The following ERC1 variants were observed in gnomAD, a reference collection of about 807,000 sequenced individuals.
The protein encoded by ERC1 is ELKS/RAB6-interacting/CAST family member 1, also known as RAB6 interacting protein 2.
Under a neutral mutation model 132.0 loss-of-function variants are expected in ERC1, and 56 were observed. The ratio of observed to expected loss-of-function variants is 0.42; its 90% confidence interval spans 0.34 to 0.53. ERC1 has a LOEUF of 0.53. Ranked by LOEUF, ERC1 falls within the 20% of genes least tolerant of loss-of-function variation. The pLI is 0.03. For missense variants in ERC1, 1,202 were observed against 1,349.9 expected, an observed-to-expected ratio of 0.89 and a Z score of 1.72; for synonymous variants, 478 against 476.1, an observed-to-expected ratio of 1.00 and a Z score of -0.05.
At chr12:1,211,418 G>A (rs1318928680) in intron 12 of ERC1, among the ~76,000 whole-genome samples, 1 of 152,200 alleles carries the variant, frequency 6.6e-6, no homozygotes, top group Admixed American at 6.5e-5. Flanking sequence ...AAAGTGCTGG[G>A]ATTACAGGCG....
intron 15 of ERC1, among the ~76,000 whole-genome samples, chr12:1,307,282 G>A (rs1404364124): frequency 2.0e-5 from 3 of 152,304 alleles, no homozygotes; most frequent in African/African-American, 7.2e-5. Flanking sequence ...ACCCTGGGTT[G>A]ACTTGGCATG....
In ERC1 at chr12:1,408,176, G is replaced by T. The variant is rs375760084; in HGVS notation, c.2953G>T (p.Asp985Tyr). ...GCAAAATCGAATGAAGCTAATGGCC[G>T]ACAACTACGAGGATGACCACTTCAA... is the stretch of plus-strand genomic sequence containing the variant. ...QTQNRMKLMA[D>Y]NYEDDHFKSS... Residue 985 changes from aspartate (D) to tyrosine (Y), a missense_variant, in exon 17 of 19, where the codon GAC becomes TAC. Transcript: ENST00000360905. 11 of 1,613,514 alleles carry T rather than the reference G, an allele frequency of 6.8e-6. No individual in the cohort carries two copies. Among genetic ancestry groups the T allele is most frequent in the Admixed American group, 1.7e-5 (1 of 59,970 alleles).
intron 14 of ERC1, among the ~76,000 whole-genome samples, chr12:1,277,766 G>A (rs535224318): frequency 1.3e-5 from 2 of 152,292 alleles, no homozygotes; most frequent in South Asian, 4.1e-4. Flanking sequence ...TGCACAGATT[G>A]TAGATACTGT....
intron 16 of ERC1, among the ~76,000 whole-genome samples, chr12:1,402,469 G>A (rs1455067781): frequency 6.6e-6 from 1 of 151,168 alleles, no homozygotes; most frequent in Non-Finnish European, 1.5e-5. Flanking sequence ...GTTGTAGTGA[G>A]CCGAGATCAC....
Position 1,083,267 on chromosome 12 carries a change from G to T in ERC1, c.773G>T (p.Cys258Phe). 1 of 1,614,228 alleles carries T rather than the reference G, an allele frequency of 6.2e-7. No homozygotes were observed. Among genetic ancestry groups the T allele is most frequent in the Non-Finnish European group, 8.5e-7 (1 of 1,180,042 alleles). Residue 258 changes from cysteine (C) to phenylalanine (F), a missense_variant, in exon 3 of 19, where the codon TGT (cysteine) becomes TTT (phenylalanine). Transcript: ENST00000360905. Reference sequence around the variant, plus strand: ...AGTAGCAGCAGGACTGGCGAACCTTGTGTAGCAGAGCTGACAGAGGAGAAC... The same window carrying T: ...AGTAGCAGCAGGACTGGCGAACCTTTTGTAGCAGAGCTGACAGAGGAGAAC... ...QDSSSRTGEP[C>F]VAELTEENFQ...
At chr12:1,347,872 A>G (rs1376574448) in intron 15 of ERC1, among the ~76,000 whole-genome samples, 1 of 152,172 alleles carries the variant, frequency 6.6e-6, no homozygotes, top group Non-Finnish European at 1.5e-5. Context: ...AGTCCCAGCT[A>G]CTCAGGAGGC....
chr12:1,013,356 G>A (rs1208886654), intron 1 of ERC1, among the ~76,000 whole-genome samples: 1 of 151,984 alleles, frequency 6.6e-6, no homozygotes, highest in Admixed American at 6.6e-5. Context: ...AACTTTGAGA[G>A]AACTTATAAT....
chr12:1,324,944 A>G (rs78836912), intron 15 of ERC1, among the ~76,000 whole-genome samples: 3,845 of 152,306 alleles, frequency 0.025, 73 homozygotes, highest in South Asian at 0.08. Flanking sequence ...TAGCCCACAC[A>G]GGAGGCAACT....
intron 8 of ERC1, among the ~76,000 whole-genome samples, chr12:1,161,992 A>G (rs1251667135): frequency 6.6e-6 from 1 of 152,188 alleles, no homozygotes; most frequent in East Asian, 1.9e-4. Context: ...TCTGAGCACA[A>G]TGGCAGTTAT....
chr12:1,450,158 T>G (rs1473582624), intron 18 of ERC1, among the ~76,000 whole-genome samples: 1 of 152,226 alleles, frequency 6.6e-6, no homozygotes, highest in African/African-American at 2.4e-5. Context: ...TCTTTTTTTA[T>G]TGTTTATTGT....
At chr12:1,365,692 A>G (rs1308642601) in intron 15 of ERC1, among the ~76,000 whole-genome samples, 2 of 152,252 alleles carry the variant, frequency 1.3e-5, no homozygotes, top group Non-Finnish European at 2.9e-5. Flanking sequence ...GTTTAGGCTA[A>G]TGCAATGCAG....
intron 12 of ERC1, among the ~76,000 whole-genome samples, chr12:1,208,695 GTCT>G (rs1304152451): frequency 1.3e-5 from 2 of 152,130 alleles, no homozygotes; most frequent in African/African-American, 2.4e-5. Flanking sequence ...TTCCAGTTGT[GTCT>G]TCTTTTGATT....
At chr12:1,025,355 T>C (rs1966846299) in intron 1 of ERC1, among the ~76,000 whole-genome samples, 1 of 152,248 alleles carries the variant, frequency 6.6e-6, no homozygotes, top group Admixed American at 6.5e-5. Context: ...AGGAATTCTT[T>C]ACATACTCTG....
intron 16 of ERC1, 114 bp from the exon 17 acceptor site, chr12:1,408,035 T>C (rs2091618365): frequency 1.5e-6 from 1 of 679,996 alleles, no homozygotes; most frequent in Admixed American, 2.6e-5. Context: ...GTTTATTTTA[T>C]TGCAGACAGG....
At chr12:1,404,277 G>A (rs929702556) in intron 16 of ERC1, among the ~76,000 whole-genome samples, 3 of 151,708 alleles carry the variant, frequency 2.0e-5, no homozygotes, top group Non-Finnish European at 4.4e-5. Flanking sequence ...CAAGTATAAT[G>A]GATACATTTA....
At chr12:994,716 C>A (rs1820130181) in intron 1 of ERC1, among the ~76,000 whole-genome samples, 1 of 152,126 alleles carries the variant, frequency 6.6e-6, no homozygotes, top group African/African-American at 2.4e-5. Context: ...ATGCTGGTAT[C>A]ATAGTAGTGA....
intron 6 of ERC1, among the ~76,000 whole-genome samples, chr12:1,114,677 A>G (rs545216642): frequency 9.1e-4 from 128 of 140,708 alleles, no homozygotes; most frequent in Middle Eastern, 3.6e-3. Context: ...TTGGGTACAT[A>G]CTATTTTGCA....
intron 15 of ERC1, among the ~76,000 whole-genome samples, chr12:1,322,261 C>T (rs1208829981): frequency 2.7e-5 from 4 of 150,176 alleles, no homozygotes; most frequent in Admixed American, 2.6e-4. Context: ...TGAGAATGTA[C>T]AGTAGATAGT....
At chr12:1,007,460 T>TTCTCTCTC (rs72040785) in intron 1 of ERC1, among the ~76,000 whole-genome samples, 12 of 135,058 alleles carry the variant, frequency 8.9e-5, no homozygotes, top group African/African-American at 3.1e-4. Flanking sequence ...GGGTAATTCA[T>TTCTCTCTC]TCTCTCTCTC....
Sources: gnomAD v4.1 joint callset for allele counts (sites outside exome capture counted in the v4.1 genomes callset) on GRCh38, gnomAD v4.1.1 for gene constraint, MANE v1.5 for transcripts, NCBI Gene and HGNC (gene_info 2026-07-23, HGNC 2026-07-21) for gene names.